The following FLAD1 variants were observed in gnomAD, a reference collection of about 807,000 sequenced individuals.
The protein encoded by FLAD1 is flavin adenine dinucleotide synthetase 1.
Under a neutral mutation model 55.0 loss-of-function variants are expected in FLAD1, and 35 were observed. The observed-to-expected ratio is 0.64, with a 90% CI of 0.49 to 0.84. The LOEUF (loss-of-function observed/expected upper bound fraction) is 0.84, where lower values mean the gene tolerates loss of function less well. Among genes scored for constraint, FLAD1 ranks in the 40% least tolerant of loss-of-function variants. FLAD1 has a pLI of 0.00. For missense variants in FLAD1, 665 were observed against 742.6 expected, an observed-to-expected ratio of 0.90 and a Z score of 1.21; for synonymous variants, 267 against 303.0, an observed-to-expected ratio of 0.88 and a Z score of 1.23.
At chr1:154,989,049 C>G in intron 2 of FLAD1, 200 bp downstream of exon 2, 1 of 1,299,102 alleles carries the variant, frequency 7.7e-7, no homozygotes, top group Non-Finnish European at 1.0e-6. Flanking sequence ...GGGGATATGG[C>G]TCAATAGGAT....
chr1:154,983,712 A>G lies in FLAD1; in HGVS notation c.18A>G (p.Gly6=). 1 of 1,611,342 alleles carries G rather than the reference A, an allele frequency of 6.2e-7. No homozygotes were observed. The highest frequency in any genetic ancestry group is 8.5e-7 in the Non-Finnish European group (1 of 1,177,952). The part of the protein sequence containing the change: MGWDL[G]TRLFQRQEQR... The stretch of plus-strand genomic sequence containing the variant: ...AAAAGGACATGGGTTGGGATTTGGG[A>G]ACACGTTTATTCCAGAGGCAGGAAC... The change falls in exon 1 of 7, where the codon GGA becomes GGG. Residue 6 remains glycine (G), a synonymous_variant. Coordinates refer to ENST00000292180, the MANE Select transcript of FLAD1 (RefSeq NM_025207.5).
At position 154,990,528 on chromosome 1, in the gene FLAD1, G is replaced by A; in HGVS notation, c.1554G>A (p.Leu518=). The stretch of plus-strand genomic sequence containing the variant: ...CATTCATGCGCATCAACCCACTGCT[G>A]GTAATGGGGAAGAGGGTTTATCACC... ...WPAFMRINPL[L]DWTYRDIWDF... The change falls in exon 5 of 7, where the codon CTG becomes CTA. Residue 518 remains leucine (L), a splice_region_variant and synonymous_variant. Transcript: ENST00000292180. 3 of 1,594,358 alleles carry A rather than the reference G, an allele frequency of 1.9e-6. No homozygotes were observed. The highest frequency in any genetic ancestry group is 2.6e-6 in the Non-Finnish European group (3 of 1,168,426).
intron 1 of FLAD1, 100 bp downstream of exon 1, chr1:154,984,166 C>A: frequency 9.0e-7 from 1 of 1,115,928 alleles, no homozygotes; most frequent in Non-Finnish European, 1.2e-6. Context: ...AGGGTGGGAG[C>A]CTCTTTGCTG....
At position 154,983,982 on chromosome 1, in the gene FLAD1, G is replaced by C; in HGVS notation, c.288G>C (p.Arg96Ser). The C allele has an allele frequency of 6.5e-7, 1 of 1,548,798 alleles. No homozygotes were observed. Among genetic ancestry groups the C allele is most frequent in the Non-Finnish European group, 8.7e-7 (1 of 1,149,286 alleles). ...WRALQRGREG[R>S]TMTSRASELS... ...CCTTGCAGAGGGGCAGAGAAGGCAG[G>C]ACCATGACATCTAGGGCCTCTGAAC... The change falls in exon 1 of 7, where the codon AGG becomes AGC. Residue 96 changes from arginine to serine, a missense_variant. Coordinates refer to ENST00000292180, the MANE Select transcript of FLAD1 (RefSeq NM_025207.5).
chr1:154,987,269 G>T (rs1046921753), intron 1 of FLAD1, among the ~76,000 whole-genome samples: 2 of 151,820 alleles, frequency 1.3e-5, no homozygotes, highest in African/African-American at 2.4e-5. Context: ...GCTCAAGCGA[G>T]CCACCCCACT....
chr1:154,985,421 CAG>C (rs1491538531), intron 1 of FLAD1, among the ~76,000 whole-genome samples: 49 of 146,494 alleles, frequency 3.3e-4, no homozygotes, highest in African/African-American at 1.2e-3. Context: ...TTTTTTTAGA[CAG>C]AGTCTTGTTC....
rs559581377 is a variant in FLAD1 at position 154,992,335 on chromosome 1, C to T, written c.1555-378C>T. On this transcript the variant is annotated intron_variant, in intron 5 of 6. Coordinates refer to ENST00000292180, the MANE Select transcript of FLAD1 (RefSeq NM_025207.5). The stretch of plus-strand genomic sequence containing the variant: ...GTGGGCGCCTGTAGTGCCAGCTACT[C>T]GGGAGGCTGAGGCAGGAGAATGGCA... 2.1e-4 allele frequency among the ~76,000 whole-genome samples: 32 copies of T among 151,206 alleles called. No individual in the cohort carries two copies. The South Asian group carries it at 2.7e-3, about 13-fold the overall frequency.
At chr1:154,991,705 G>A (rs1248861643) in intron 5 of FLAD1, among the ~76,000 whole-genome samples, 3 of 152,226 alleles carry the variant, frequency 2.0e-5, no homozygotes, top group Admixed American at 6.5e-5. Context: ...AGCACTCTGG[G>A]AGGCCGAGGT....
At chr1:154,984,673 A>T (rs1440803548) in intron 1 of FLAD1, among the ~76,000 whole-genome samples, 2 of 144,774 alleles carry the variant, frequency 1.4e-5, no homozygotes, top group South Asian at 4.3e-4. Context: ...GTGCCATTGC[A>T]CTCCAGCCTG....
Position 154,988,150 on chromosome 1 carries a change from C to T in FLAD1, c.418C>T (p.Arg140Cys), listed in dbSNP as rs544231293. 13 of 1,614,230 alleles carry T rather than the reference C, an allele frequency of 8.1e-6. No individual in the cohort carries two copies. The highest frequency in any genetic ancestry group is 1.3e-5 in the African/African-American group (1 of 75,046). ...CACCTTCTTTCTGTGCCGGACACTG[C>T]GCTCCCTAGGGGTCCAGGTTTGCCG... ...TNTFFLCRTL[R>C]SLGVQVCRVS... Residue 140 changes from arginine (R) to cysteine (C), a missense_variant, in exon 2 of 7, where the codon CGC becomes TGC. Physicochemically the swap from Arg to Cys is radical, Grantham distance 180. Coordinates refer to ENST00000292180, the MANE Select transcript of FLAD1 (RefSeq NM_025207.5).
At chr1:154,985,238 G>A (rs867667628) in intron 1 of FLAD1, among the ~76,000 whole-genome samples, 1 of 125,470 alleles carries the variant, frequency 8.0e-6, no homozygotes, top group Admixed American at 8.1e-5. Flanking sequence ...TGTTTTTTTT[G>A]TTTTTTTTTT....
rs1170877154 is a variant in FLAD1 at position 154,989,695 on chromosome 1, C to T, written c.1253C>T (p.Ala418Val). 11 of 1,548,400 alleles carry T rather than the reference C, an allele frequency of 7.1e-6. No homozygotes were observed. The highest frequency in any genetic ancestry group is 1.9e-5 in the Admixed American group (1 of 51,376). ...DCTALLHLFHAAVQRKLPDVP... is the reference protein window; with the variant it reads ...DCTALLHLFHVAVQRKLPDVP... Reference sequence around the variant, plus strand: ...ACTGCCCTCCTGCACCTCTTCCATGCAGCTGTGCAGAGGTGAGCCTGCCCC... The same window carrying T: ...ACTGCCCTCCTGCACCTCTTCCATGTAGCTGTGCAGAGGTGAGCCTGCCCC... Residue 418 changes from alanine (A) to valine (V), a missense_variant, in exon 3 of 7, where the codon GCA (alanine) becomes GTA (valine). Coordinates refer to ENST00000292180, the MANE Select transcript of FLAD1 (RefSeq NM_025207.5).
chr1:154,991,131 C>T (rs1007171366), intron 5 of FLAD1: 2 of 149,292 alleles, frequency 1.3e-5, no homozygotes, highest in African/African-American at 5.0e-5. Context: ...TGCTTGAACC[C>T]AGGAGACGGA....
At chr1:154,985,331 C>G (rs1348929953) in intron 1 of FLAD1, among the ~76,000 whole-genome samples, 1 of 150,080 alleles carries the variant, frequency 6.7e-6, no homozygotes, top group East Asian at 2.0e-4. Flanking sequence ...CGCGTTCAAG[C>G]AGTTCTCATG....
chr1:154,986,019 C>CTGTGTG (rs57098553), intron 1 of FLAD1, among the ~76,000 whole-genome samples: 5,617 of 143,070 alleles, frequency 0.039, 121 homozygotes, highest in Non-Finnish European at 0.047. Context: ...CTGCGCCCGG[C>CTGTGTG]TGTGTGTGTG....
intron 1 of FLAD1, 128 bp downstream of exon 1, chr1:154,984,194 G>C: frequency 1.3e-6 from 1 of 777,540 alleles, no homozygotes; most frequent in Non-Finnish European, 1.8e-6. Flanking sequence ...ATCCTGGAGT[G>C]AATCCAGCAT....
At chr1:154,989,134 G>A (rs1657753531) in intron 2 of FLAD1, 9 of 691,580 alleles carry the variant, frequency 1.3e-5, no homozygotes, top group Admixed American at 3.1e-5. Flanking sequence ...CCTGCATGGG[G>A]TGATGAAAGG....
intron 1 of FLAD1, among the ~76,000 whole-genome samples, chr1:154,986,117 C>A (rs1657593006): frequency 6.6e-6 from 1 of 151,754 alleles, no homozygotes; most frequent in African/African-American, 2.4e-5. Flanking sequence ...CAGCTCACTG[C>A]AACCTCTGCC....
In FLAD1 at chr1:154,983,889, C is replaced by T. The variant is rs1571476713; in HGVS notation, c.195C>T (p.Cys65=). The T allele has an allele frequency of 1.9e-6, 3 of 1,613,410 alleles. No homozygotes were observed. Among genetic ancestry groups the T allele is most frequent in the Non-Finnish European group, 1.7e-6 (2 of 1,179,604 alleles). ...DPLFPGYGPQ[C]PVDLAGPPCL... ...TGTTCCCAGGCTATGGCCCCCAGTG[C>T]CCTGTAGACCTGGCAGGCCCCCCGT... Residue 65 remains cysteine (C), a synonymous_variant, in exon 1 of 7, where the codon TGC becomes TGT. Transcript: ENST00000292180.
Sources: gnomAD v4.1 joint callset for allele counts (sites outside exome capture counted in the v4.1 genomes callset) on GRCh38, gnomAD v4.1.1 for gene constraint, MANE v1.5 for transcripts, NCBI Gene and HGNC (gene_info 2026-07-23, HGNC 2026-07-21) for gene names.